The following CHD7 variants were observed in gnomAD, a reference collection of about 807,000 sequenced individuals.
CHD7 encodes the protein ATP-dependent chromatin remodeler CHD7.
In CHD7, 24 loss-of-function variants were observed where a neutral mutation model predicts 307.3. The observed-to-expected ratio is 0.08, with a 90% CI of 0.06 to 0.11. The LOEUF is 0.11. Among genes scored for constraint, CHD7 ranks in the 10% least tolerant of loss-of-function variants. The probability of loss-of-function intolerance (pLI) is 1.00; values close to 1 mark genes in which losing one functional copy is unlikely to be tolerated. For missense variants in CHD7, 3,106 were observed against 3,727.1 expected (o/e 0.83, Z 4.34); for synonymous variants, 1,363 against 1,349.9 (o/e 1.01, Z -0.21).
intron 2 of CHD7, among the ~76,000 whole-genome samples, chr8:60,773,809 G>T (rs1334389879): frequency 1.3e-5 from 2 of 152,130 alleles, no homozygotes; most frequent in Admixed American, 1.3e-4. Flanking sequence ...AATCATAGTG[G>T]ATAATGTTTG....
At chr8:60,838,753 G>A (rs1019015757) in intron 19 of CHD7, among the ~76,000 whole-genome samples, 1 of 152,120 alleles carries the variant, frequency 6.6e-6, no homozygotes, top group South Asian at 2.1e-4. Flanking sequence ...AGCTTTTTCA[G>A]CTTCCAGCTT....
intron 33 of CHD7, 114 bp downstream of exon 33, chr8:60,856,316 C>T: frequency 1.6e-6 from 2 of 1,245,906 alleles, no homozygotes; most frequent in East Asian, 2.5e-5. Context: ...CTGCTGTTTC[C>T]TCAGCTCTGT....
At chr8:60,710,848 A>G (rs192237041) in intron 1 of CHD7, among the ~76,000 whole-genome samples, 1 of 152,344 alleles carries the variant, frequency 6.6e-6, no homozygotes, top group Non-Finnish European at 1.5e-5. Context: ...AATGCATACT[A>G]TGTGCAGACA....
chr8:60,862,208 G>C lies in CHD7; in HGVS notation c.7843G>C (p.Val2615Leu). The C allele has an allele frequency of 6.2e-7, 1 of 1,609,870 alleles. No homozygotes were observed. The highest frequency in any genetic ancestry group is 8.5e-7 in the Non-Finnish European group (1 of 1,177,814). ...TTTTCTTTTGCAGAAGAATGCAGAT[G>C]TGCTGTTTTCCTCATTTCAGAAACC... The part of the protein sequence containing the change: ...MPSYVPKNAD[V>L]LFSSFQKPKQ... The change falls in exon 36 of 38, where the codon GTG becomes CTG. Residue 2615 changes from valine (V) to leucine (L), a missense_variant. This residue lies in a region of CHD7 where 1,030 missense variants were observed against 1,165.4 expected (regional missense o/e 0.88). Coordinates refer to ENST00000423902, the MANE Select transcript of CHD7 (RefSeq NM_017780.4).
At chr8:60,714,136 G>GC (rs1291164298) in intron 1 of CHD7, among the ~76,000 whole-genome samples, 1 of 151,806 alleles carries the variant, frequency 6.6e-6, no homozygotes, top group African/African-American at 2.4e-5. Flanking sequence ...ATGGGTCAGC[G>GC]CCCGGAGCCC....
At chr8:60,750,570 G>T (rs1809592314) in intron 2 of CHD7, among the ~76,000 whole-genome samples, 1 of 152,084 alleles carries the variant, frequency 6.6e-6, no homozygotes, top group Non-Finnish European at 1.5e-5. Context: ...TAAAGAAACT[G>T]GTAAAACTAA....
chr8:60,836,891 C>T lies in CHD7; in HGVS notation c.4064C>T (p.Pro1355Leu). 6.2e-7 allele frequency: 1 copy of T among 1,613,918 alleles called. No individual in the cohort carries two copies. Among genetic ancestry groups the T allele is most frequent in the Non-Finnish European group, 8.5e-7 (1 of 1,179,836 alleles). The change falls in exon 17 of 38, where the codon CCT becomes CTT. Residue 1355 changes from proline (P) to leucine (L), a missense_variant. Physicochemically the swap from Pro to Leu is moderately conservative, Grantham distance 98. Transcript: ENST00000423902. ...RQAAIDRFSK[P>L]DSDRFVFLLC... ...GCAGCTATCGACAGATTCTCCAAAC[C>T]TGATTCTGATAGGTTTGTTTTCCTC...
intron 2 of CHD7, among the ~76,000 whole-genome samples, chr8:60,779,617 A>G (rs1332962873): frequency 1.3e-5 from 2 of 152,314 alleles, no homozygotes; most frequent in South Asian, 4.1e-4. Context: ...GTGTATTGGA[A>G]TCGAATTTAC....
At chr8:60,770,153 T>C (rs1043884297) in intron 2 of CHD7, among the ~76,000 whole-genome samples, 1 of 152,196 alleles carries the variant, frequency 6.6e-6, no homozygotes, top group African/African-American at 2.4e-5. Flanking sequence ...GAAAATAAAT[T>C]AGCAAATAAT....
chr8:60,860,917 T>A lies in CHD7; in HGVS notation c.7622T>A (p.Val2541Glu), dbSNP rs1805939036. 6.2e-7 allele frequency: 1 copy of A among 1,613,002 alleles called. No individual in the cohort carries two copies. Among genetic ancestry groups the A allele is most frequent in the Non-Finnish European group, 8.5e-7 (1 of 1,179,334 alleles). Residue 2541 changes from valine to glutamate, a missense_variant, in exon 35 of 38, where the codon GTG (valine) becomes GAG (glutamate). By Grantham distance (121) the Val-to-Glu change is moderately radical. Around this residue, in one of 10 missense-constraint regions of CHD7, gnomAD observed 1,030 missense variants for 1,165.4 expected, o/e 0.88. Coordinates refer to ENST00000423902, the MANE Select transcript of CHD7 (RefSeq NM_017780.4). The stretch of plus-strand genomic sequence containing the variant: ...AACTTTCTGCAGGAGGATGCTGAGG[T>A]GACCAAAGCTTTTGAAGAAGATATA... Reference protein sequence around the residue: ...RTSLSAEDAEVTKAFEEDIET... With the variant: ...RTSLSAEDAEETKAFEEDIET...
rs186498082 is a variant in CHD7, at chr8:60,867,701, C to T, written c.*1768C>T. ...GCCAGACAGGTGGTCTAAATTCCTC[C>T]CAGACTGTGAGATTCAGTTCGTTTA... On this transcript the variant is annotated 3_prime_UTR_variant, in exon 38 of 38. Transcript: ENST00000423902. The T allele has an allele frequency of 1.3e-5, 2 of 152,292 alleles. No homozygotes were observed. The highest frequency in any genetic ancestry group is 3.9e-4 in the East Asian group (2 of 5,184). 9.4% of individuals were successfully genotyped at this position (152,292 alleles called of 1,614,324 possible).
Position 60,781,397 on chromosome 8 carries a change from C to T in CHD7, c.2063C>T (p.Ala688Val), listed in dbSNP as rs759010289. 5 of 1,526,496 alleles carry T rather than the reference C, an allele frequency of 3.3e-6. No homozygotes were observed. Among genetic ancestry groups the T allele is most frequent in the Admixed American group, 2.4e-5 (1 of 41,190 alleles). 94.6% of individuals were successfully genotyped at this position (1,526,496 alleles called of 1,614,324 possible). A position where few individuals can be genotyped will look rare whatever the true frequency, so the allele number is the denominator to read the frequency against. The change falls in exon 3 of 38, where the codon GCC becomes GTC. Residue 688 changes from alanine to valine, a missense_variant. By Grantham distance (64) the Ala-to-Val change is moderately conservative. Around this residue, in one of 10 missense-constraint regions of CHD7, gnomAD observed 998 missense variants for 1,004.5 expected, o/e 0.99. Transcript: ENST00000423902. ...CCAAAGGAAAAGAAAGCAAAAACTG[C>T]CACGCCAAAACCCAAATCCAGCAAA... ...KEPKEKKAKT[A>V]TPKPKSSKKS...
chr8:60,843,086 ATGT>A (rs1390420235), intron 21 of CHD7, among the ~76,000 whole-genome samples: 1 of 152,006 alleles, frequency 6.6e-6, no homozygotes, highest in Non-Finnish European at 1.5e-5. Flanking sequence ...CACACTCATC[ATGT>A]TGTTTACAAT....
intron 1 of CHD7, among the ~76,000 whole-genome samples, chr8:60,713,675 G>C (rs1427474089): frequency 6.6e-6 from 1 of 152,160 alleles, no homozygotes; most frequent in Non-Finnish European, 1.5e-5. Context: ...CCAGAGGTTT[G>C]GAGGAGGTGG....
At chr8:60,776,873 T>C (rs1047753245) in intron 2 of CHD7, among the ~76,000 whole-genome samples, 1 of 152,198 alleles carries the variant, frequency 6.6e-6, no homozygotes, top group Non-Finnish European at 1.5e-5. Context: ...AAGTTAAGAA[T>C]GTCTGTAATA....
intron 14 of CHD7, among the ~76,000 whole-genome samples, chr8:60,829,190 G>C (rs971747996): frequency 1.7e-4 from 26 of 152,210 alleles, no homozygotes; most frequent in African/African-American, 6.3e-4. Flanking sequence ...TCTTTGTGAA[G>C]CATCTGTACT....
At chr8:60,723,448 G>A (rs749028634) in intron 1 of CHD7, among the ~76,000 whole-genome samples, 7 of 152,116 alleles carry the variant, frequency 4.6e-5, no homozygotes, top group Non-Finnish European at 5.9e-5. Flanking sequence ...CCTCTACCTC[G>A]AATGGAATGG....
intron 4 of CHD7, among the ~76,000 whole-genome samples, chr8:60,799,588 G>A (rs147227231): frequency 5.3e-4 from 80 of 152,290 alleles, no homozygotes; most frequent in Non-Finnish European, 8.7e-4. Flanking sequence ...AAAATGGCCT[G>A]AAATATCTGG....
intron 4 of CHD7, among the ~76,000 whole-genome samples, chr8:60,798,731 T>A (rs1358257828): frequency 1.3e-5 from 2 of 152,252 alleles, no homozygotes. Flanking sequence ...TCAATATTTT[T>A]ATTTCTTCTT....
Sources: allele counts gnomAD v4.1 joint callset (sites outside exome capture counted in the v4.1 genomes callset), GRCh38; gene constraint gnomAD v4.1.1; regional missense constraint gnomAD v4.1.1; transcripts MANE v1.5; gene names NCBI Gene and HGNC (gene_info 2026-07-23, HGNC 2026-07-21).